HPSE2: variants seen among roughly 807,000 people sequenced by gnomAD.
HPSE2 encodes the protein heparanase 2 (inactive).
HPSE2 carries 38 observed loss-of-function variants against 60.5 expected under a neutral mutation model. The observed-to-expected ratio is 0.63, with a 90% CI of 0.48 to 0.82. HPSE2 has a LOEUF of 0.82. Ranked by LOEUF, HPSE2 falls within the 40% of genes least tolerant of loss-of-function variation. The pLI, the probability that HPSE2 is intolerant of heterozygous loss-of-function variation, is 0.00. For synonymous variants in HPSE2, 295 were observed against 293.2 expected, an observed-to-expected ratio of 1.01 and a Z score of -0.06; for missense variants, 713 against 740.4, an observed-to-expected ratio of 0.96 and a Z score of 0.43.
At chr10:98,465,790 A>T (rs924983545) in intron 11 of HPSE2, among the ~76,000 whole-genome samples, 2 of 152,218 alleles carry the variant, frequency 1.3e-5, no homozygotes, top group African/African-American at 4.8e-5. Flanking sequence ...CCTAGGTTGA[A>T]CTATTTCTCT....
the HPSE2 span, among the ~76,000 whole-genome samples, chr10:99,265,502 C>T: frequency 4.6e-5 from 7 of 152,226 alleles, no homozygotes; most frequent in East Asian, 3.9e-4. Context: ...ACCTAGGTGA[C>T]GGGATGATCA....
intron 3 of HPSE2, among the ~76,000 whole-genome samples, chr10:98,761,221 G>A (rs1362400289): frequency 1.3e-5 from 2 of 151,786 alleles, no homozygotes; most frequent in Admixed American, 6.6e-5. Flanking sequence ...TAACTAACAT[G>A]GGAATAATAA....
At chr10:99,009,029 G>A (rs1195183593) in intron 3 of HPSE2, among the ~76,000 whole-genome samples, 1 of 152,016 alleles carries the variant, frequency 6.6e-6, no homozygotes, top group Non-Finnish European at 1.5e-5. Flanking sequence ...AACAGTTGAG[G>A]GGAATTATGA....
At chr10:98,465,805 TC>T (rs1940503802) in intron 11 of HPSE2, among the ~76,000 whole-genome samples, 1 of 152,228 alleles carries the variant, frequency 6.6e-6, no homozygotes, top group African/African-American at 2.4e-5. Flanking sequence ...TTCTCTTAAT[TC>T]CCTAGCTTGC....
chr10:98,804,607 C>T (rs1391790110), intron 3 of HPSE2, among the ~76,000 whole-genome samples: 1 of 152,042 alleles, frequency 6.6e-6, no homozygotes, highest in African/African-American at 2.4e-5. Flanking sequence ...TTTAAAATGT[C>T]TTTCATCCAA....
the HPSE2 span, among the ~76,000 whole-genome samples, chr10:99,243,698 G>C: frequency 6.6e-6 from 1 of 152,116 alleles, no homozygotes; most frequent in African/African-American, 2.4e-5. Context: ...CATTTTGGGA[G>C]GTTGAGGCAG....
At chr10:98,961,615 T>A (rs1004366823) in intron 3 of HPSE2, among the ~76,000 whole-genome samples, 1 of 44,834 alleles carries the variant, frequency 2.2e-5, no homozygotes, top group Non-Finnish European at 3.9e-5. Flanking sequence ...TAAATTTGTT[T>A]GAGTTCATTG....
chr10:98,932,893 GTCTA>G lies in HPSE2; in HGVS notation c.611-188841_611-188838del, dbSNP rs1194793210. On this transcript the variant is annotated intron_variant, in intron 3 of 11. Coordinates refer to ENST00000370552, the MANE Select transcript of HPSE2 (RefSeq NM_021828.5). ...TTCTTCTCTATTAGTCTTGCTAACAGTCTATCTATTTTATTGATTTTTTCAAAAA... is the reference window on the plus strand; with the variant it reads ...TTCTTCTCTATTAGTCTTGCTAACAGTCTATTTTATTGATTTTTTCAAAAA... Among the ~76,000 whole-genome samples, 6 of 143,290 alleles carry G rather than the reference GTCTA, an allele frequency of 4.2e-5. 2 individuals carry two copies. The highest frequency in any genetic ancestry group is 8.6e-5 in the African/African-American group (3 of 35,040). The allele number at this position is 143,290 out of a possible 152,430, so 94.0% of individuals were successfully genotyped here.
intron 3 of HPSE2, among the ~76,000 whole-genome samples, chr10:98,916,890 T>C (rs1353501093): frequency 1.3e-5 from 2 of 152,204 alleles, no homozygotes; most frequent in Non-Finnish European, 2.9e-5. Context: ...CATATTGCTA[T>C]GAATATCTCT....
rs954841709 is a variant in HPSE2 at position 99,112,410 on chromosome 10, TTGTTG to T, written c.610+31823_610+31827del. ...GCCTGCCACCATGCCCGGCTTTTTT[TTGTTG>T]TGTTTTGTTTTGTTTTGTTTTGTTT... On this transcript the variant is annotated intron_variant, in intron 3 of 11. Coordinates refer to ENST00000370552, the MANE Select transcript of HPSE2 (RefSeq NM_021828.5). Among the ~76,000 whole-genome samples the T allele has an allele frequency of 2.3e-4, 21 of 91,182 alleles. No homozygotes were observed. The South Asian group carries it at 3.3e-3, about 14-fold the overall frequency. The allele number at this position is 91,182 out of a possible 152,430, so 59.8% of individuals were successfully genotyped here.
chr10:99,205,996 T>C (rs1848733203), intron 2 of HPSE2, among the ~76,000 whole-genome samples: 1 of 152,208 alleles, frequency 6.6e-6, no homozygotes, highest in Non-Finnish European at 1.5e-5. Context: ...ATATGAAGTG[T>C]CACTGGTGAT....
At chr10:98,956,386 G>A (rs1379055572) in intron 3 of HPSE2, among the ~76,000 whole-genome samples, 1 of 152,300 alleles carries the variant, frequency 6.6e-6, no homozygotes, top group South Asian at 2.1e-4. Flanking sequence ...TTTGGAATAA[G>A]TTTGGCTGCA....
At chr10:98,531,799 T>G (rs1943139012) in intron 9 of HPSE2, among the ~76,000 whole-genome samples, 2 of 152,074 alleles carry the variant, frequency 1.3e-5, no homozygotes, top group Admixed American at 6.6e-5. Context: ...GACTCTGTAT[T>G]TCCCCTCTAC....
chr10:98,848,211 A>G (rs1451634302), intron 3 of HPSE2, among the ~76,000 whole-genome samples: 1 of 152,196 alleles, frequency 6.6e-6, no homozygotes, highest in African/African-American at 2.4e-5. Flanking sequence ...TGAGGTCAGG[A>G]GTTCCAGACC....
intron 9 of HPSE2, among the ~76,000 whole-genome samples, chr10:98,573,996 T>C (rs1421276100): frequency 6.6e-6 from 1 of 152,170 alleles, no homozygotes; most frequent in Non-Finnish European, 1.5e-5. Flanking sequence ...TTTTAGAATA[T>C]TTTTTACCCC....
chr10:99,050,367 G>A (rs1034490907), intron 3 of HPSE2, among the ~76,000 whole-genome samples: 2 of 151,918 alleles, frequency 1.3e-5, no homozygotes, highest in Admixed American at 1.3e-4. Flanking sequence ...AGAAAAGGGA[G>A]CCTTTGTACA....
chr10:98,480,347 G>A (rs754238976), intron 11 of HPSE2, among the ~76,000 whole-genome samples: 1 of 152,112 alleles, frequency 6.6e-6, no homozygotes, highest in Admixed American at 6.6e-5. Context: ...GCCTCCCAAA[G>A]TGTTGGGATT....
chr10:98,527,111 C>T lies in HPSE2; in HGVS notation c.1321-36915G>A, dbSNP rs79023290. ...GATTCATCCACATGTCCTTTAATTT[C>T]TACCTCCTGATATCTTTCATCTGTC... On this transcript the variant is annotated intron_variant, in intron 9 of 11. Coordinates refer to ENST00000370552, the MANE Select transcript of HPSE2 (RefSeq NM_021828.5). Among the ~76,000 whole-genome samples the T allele has an allele frequency of 3.9e-3, 597 of 152,234 alleles. 3 individuals are homozygous for T. Among genetic ancestry groups the T allele is most frequent in the African/African-American group, 0.014 (572 of 41,536 alleles).
chr10:99,095,862 A>G (rs1476394638), intron 3 of HPSE2, among the ~76,000 whole-genome samples: 1 of 152,204 alleles, frequency 6.6e-6, no homozygotes, highest in Non-Finnish European at 1.5e-5. Flanking sequence ...TTGTGTGGAC[A>G]TCCTGGTATA....
Sources: gnomAD v4.1 joint callset for allele counts (sites outside exome capture counted in the v4.1 genomes callset) on GRCh38, gnomAD v4.1.1 for gene constraint, MANE v1.5 for transcripts, NCBI Gene and HGNC (gene_info 2026-07-23, HGNC 2026-07-21) for gene names.